Variants in RFX4 observed in about 807,000 individuals in gnomAD.
RFX4 encodes the protein regulatory factor X4.
In RFX4, 10 loss-of-function variants were observed where a neutral mutation model predicts 95.0. The ratio of observed to expected loss-of-function variants is 0.11; its 90% confidence interval spans 0.06 to 0.18. RFX4 has a LOEUF of 0.18. RFX4 is among the 10% of genes least tolerant of loss of function. The pLI is 1.00. For synonymous variants in RFX4, 321 were observed against 340.7 expected (o/e 0.94, Z 0.64); for missense variants, 640 against 922.0 (o/e 0.69, Z 3.96).
intron 2 of RFX4, among the ~76,000 whole-genome samples, chr12:106,630,199 T>C (rs2040391504): frequency 6.6e-6 from 1 of 152,208 alleles, no homozygotes; most frequent in Non-Finnish European, 1.5e-5. Flanking sequence ...GATTGCAGTT[T>C]TCCTGAGTGA....
intron 4 of RFX4, among the ~76,000 whole-genome samples, chr12:106,681,633 A>G (rs2041516407): frequency 6.6e-6 from 1 of 152,210 alleles, no homozygotes; most frequent in Non-Finnish European, 1.5e-5. Flanking sequence ...GGTAAGCAGG[A>G]CGAGTTACAG....
intron 17 of RFX4, 21 bp from the exon 18 acceptor site, chr12:106,761,176 A>G (rs369958802): frequency 6.2e-7 from 1 of 1,601,162 alleles, no homozygotes; most frequent in African/African-American, 1.3e-5. Flanking sequence ...AACTTTGTGG[A>G]ATTTCTTTCC....
chr12:106,661,649 A>G (rs1472690302), intron 4 of RFX4, among the ~76,000 whole-genome samples: 1 of 152,194 alleles, frequency 6.6e-6, no homozygotes, highest in Non-Finnish European at 1.5e-5. Context: ...GTATAATAAC[A>G]TGTATCCATT....
intron 8 of RFX4, among the ~76,000 whole-genome samples, chr12:106,697,468 G>A (rs2041903542): frequency 6.7e-6 from 1 of 148,806 alleles, no homozygotes; most frequent in Admixed American, 6.7e-5. Context: ...TTAACATGGT[G>A]AAGTGCATTA....
At chr12:106,738,453 C>T (rs986568493) in intron 15 of RFX4, among the ~76,000 whole-genome samples, 8 of 152,138 alleles carry the variant, frequency 5.3e-5, no homozygotes, top group African/African-American at 1.9e-4. Flanking sequence ...GTGGAGGCCT[C>T]AAGTTATGGC....
chr12:106,598,188 G>A (rs772322571), intron 1 of RFX4, among the ~76,000 whole-genome samples: 75 of 152,076 alleles, frequency 4.9e-4, no homozygotes, highest in Non-Finnish European at 9.6e-4. Flanking sequence ...ATCCCACCTG[G>A]TAACTTTTCC....
At chr12:106,681,101 G>A (rs765443508) in intron 4 of RFX4, 15 of 152,174 alleles carry the variant, frequency 9.9e-5, no homozygotes, top group Non-Finnish European at 1.5e-4. Context: ...CTCTCTTCAC[G>A]GATTTCTTGT....
At chr12:106,666,983 G>A (rs762468514) in intron 4 of RFX4, among the ~76,000 whole-genome samples, 50 of 152,104 alleles carry the variant, frequency 3.3e-4, no homozygotes, top group African/African-American at 8.2e-4. Context: ...GATATGCCAG[G>A]TAAAAAAGGA....
At chr12:106,633,954 C>A (rs898773895) in intron 2 of RFX4, among the ~76,000 whole-genome samples, 1 of 152,154 alleles carries the variant, frequency 6.6e-6, no homozygotes, top group African/African-American at 2.4e-5. Context: ...CAGAGTCTGA[C>A]AGGTCCTCTT....
intron 17 of RFX4, among the ~76,000 whole-genome samples, chr12:106,759,139 G>A (rs1459284370): frequency 2.6e-5 from 4 of 152,218 alleles, no homozygotes; most frequent in Non-Finnish European, 5.9e-5. Context: ...AGGCTGGGGT[G>A]TTTAGGTTCT....
intron 1 of RFX4, among the ~76,000 whole-genome samples, chr12:106,604,407 C>T (rs1056427537): frequency 1.3e-5 from 2 of 152,054 alleles, no homozygotes; most frequent in African/African-American, 4.8e-5. Flanking sequence ...CAGGTGTGAG[C>T]CACCACACCT....
chr12:106,667,975 G>T (rs1260301443), intron 4 of RFX4, among the ~76,000 whole-genome samples: 1 of 152,190 alleles, frequency 6.6e-6, no homozygotes, highest in Admixed American at 6.5e-5. Flanking sequence ...GTCGATCCTA[G>T]GTGGAAACCA....
intron 1 of RFX4, chr12:106,601,012 C>A: frequency 4.7e-6 from 3 of 634,688 alleles, no homozygotes; most frequent in South Asian, 3.6e-5. Context: ...TGATCACTAG[C>A]TGCTCAGAGC....
chr12:106,686,864 T>C lies in RFX4; in HGVS notation c.378-20T>C. ...CTTTTTTTTTTTTTCTCTCTCTCCC[T>C]CCCTCCCCTTGTGGCCCAGGTACCA... On this transcript the variant is annotated intron_variant, in intron 5 of 17. Transcript: ENST00000392842. The C allele has an allele frequency of 1.3e-6, 2 of 1,548,268 alleles. No homozygotes were observed. Among genetic ancestry groups the C allele is most frequent in the Non-Finnish European group, 8.9e-7 (1 of 1,124,582 alleles).
intron 1 of RFX4, among the ~76,000 whole-genome samples, chr12:106,583,914 TC>T (rs2137155122): frequency 6.6e-6 from 1 of 152,148 alleles, no homozygotes; most frequent in Admixed American, 6.5e-5. Flanking sequence ...AACCCGGTGG[TC>T]CGGGGGAATC....
At chr12:106,654,841 T>C (rs1005047631) in intron 4 of RFX4, among the ~76,000 whole-genome samples, 75 of 152,200 alleles carry the variant, frequency 4.9e-4, no homozygotes, top group African/African-American at 1.7e-3. Context: ...TTTAGAGCTA[T>C]GTCTACAAAA....
chr12:106,625,354 AC>A (rs751414794), intron 2 of RFX4, among the ~76,000 whole-genome samples: 3 of 152,142 alleles, frequency 2.0e-5, no homozygotes, highest in Non-Finnish European at 4.4e-5. Flanking sequence ...TGGAAAGAAA[AC>A]CCTGGACCAG....
intron 5 of RFX4, among the ~76,000 whole-genome samples, chr12:106,684,458 T>G (rs1210044642): frequency 6.6e-6 from 1 of 152,146 alleles, no homozygotes; most frequent in Non-Finnish European, 1.5e-5. Context: ...TGGTGAGGAA[T>G]GTGTTGTTGT....
chr12:106,657,400 C>CAG (rs2137327837), intron 4 of RFX4, among the ~76,000 whole-genome samples: 1 of 152,208 alleles, frequency 6.6e-6, no homozygotes, highest in South Asian at 2.1e-4. Context: ...GTTGGGATAC[C>CAG]GTTCTTCATA....
Sources: allele counts gnomAD v4.1 joint callset (sites outside exome capture counted in the v4.1 genomes callset), GRCh38; gene constraint gnomAD v4.1.1; transcripts MANE v1.5; gene names NCBI Gene and HGNC (gene_info 2026-07-23, HGNC 2026-07-21).